WWOX: variants seen among roughly 807,000 people sequenced by gnomAD.
WWOX encodes WW domain-containing oxidoreductase.
WWOX carries 69 observed loss-of-function variants against 46.2 expected under a neutral mutation model. The observed-to-expected ratio is 1.49, with a 90% CI of 1.23 to 1.82. The LOEUF is 1.82. Among genes scored for constraint, WWOX ranks in the 40% most tolerant of loss-of-function variants. The pLI, the probability that WWOX is intolerant of heterozygous loss-of-function variation, is 0.00. For synonymous variants in WWOX, 359 were observed against 202.6 expected, an observed-to-expected ratio of 1.77 and a Z score of -6.56; for missense variants, 919 against 542.6, an observed-to-expected ratio of 1.69 and a Z score of -6.89.
chr16:79,048,042 T>C (rs1464038491), intron 8 of WWOX, among the ~76,000 whole-genome samples: 1 of 152,012 alleles, frequency 6.6e-6, no homozygotes, highest in Non-Finnish European at 1.5e-5. Flanking sequence ...ATCCCTCTGC[T>C]CCCTAAGATG....
intron 5 of WWOX, among the ~76,000 whole-genome samples, chr16:78,309,870 C>G (rs1434035944): frequency 3.3e-5 from 5 of 152,104 alleles, no homozygotes; most frequent in Non-Finnish European, 5.9e-5. Context: ...TTTAATTGTT[C>G]TAGTTAGAGT....
At chr16:78,100,960 A>G (rs925204622) in intron 1 of WWOX, among the ~76,000 whole-genome samples, 1 of 152,116 alleles carries the variant, frequency 6.6e-6, no homozygotes, top group Non-Finnish European at 1.5e-5. Context: ...CCTGGTTTTG[A>G]GAAACATGGA....
chr16:78,100,685 C>T (rs2031716642), intron 1 of WWOX, among the ~76,000 whole-genome samples: 1 of 152,216 alleles, frequency 6.6e-6, no homozygotes. Context: ...TTGGTTTTTT[C>T]ACCTGTAAAA....
intron 6 of WWOX, among the ~76,000 whole-genome samples, chr16:78,420,439 A>C (rs1184431784): frequency 2.0e-5 from 3 of 152,192 alleles, no homozygotes; most frequent in Non-Finnish European, 4.4e-5. Context: ...TGCCCATTAA[A>C]AAGAAATGGA....
chr16:78,406,312 ATATATATAT>A (rs2082536344), intron 6 of WWOX, among the ~76,000 whole-genome samples: 4 of 39,358 alleles, frequency 1.0e-4, no homozygotes, highest in Admixed American at 2.8e-4. Flanking sequence ...AAATATATAT[ATATATATAT>A]ATATATATAT....
chr16:78,934,508 C>CAAAAAAAAA (rs760272326), intron 8 of WWOX, among the ~76,000 whole-genome samples: 1 of 73,902 alleles, frequency 1.4e-5, no homozygotes, highest in African/African-American at 5.1e-5. Context: ...AACCCTGTAT[C>CAAAAAAAAA]AAAAAAAAAA....
At chr16:78,712,776 C>G (rs2048470780) in intron 8 of WWOX, among the ~76,000 whole-genome samples, 1 of 152,202 alleles carries the variant, frequency 6.6e-6, no homozygotes. Context: ...CTAAGACTTG[C>G]TTTAAAATAA....
chr16:78,564,781 A>G (rs986232826), intron 8 of WWOX, among the ~76,000 whole-genome samples: 2 of 152,192 alleles, frequency 1.3e-5, no homozygotes, highest in Non-Finnish European at 2.9e-5. Context: ...TTGTTTAAAA[A>G]TTTTAACTTA....
intron 5 of WWOX, among the ~76,000 whole-genome samples, chr16:78,199,599 G>T (rs190264852): frequency 5.8e-4 from 89 of 152,144 alleles, no homozygotes; most frequent in Admixed American, 9.8e-4. Context: ...CATGCCATTC[G>T]CTCACTAGCA....
At chr16:78,311,438 C>T (rs1597467008) in intron 5 of WWOX, among the ~76,000 whole-genome samples, 1 of 152,206 alleles carries the variant, frequency 6.6e-6, no homozygotes, top group Non-Finnish European at 1.5e-5. Context: ...CAAACTGTCA[C>T]TTCCTTCACC....
At chr16:79,123,644 C>A (rs983103213) in intron 8 of WWOX, among the ~76,000 whole-genome samples, 1 of 152,118 alleles carries the variant, frequency 6.6e-6, no homozygotes, top group Admixed American at 6.5e-5. Context: ...AGGCTCCAGG[C>A]TTTTTCCCTA....
At chr16:78,495,271 GC>G (rs2084887999) in intron 8 of WWOX, among the ~76,000 whole-genome samples, 1 of 150,724 alleles carries the variant, frequency 6.6e-6, no homozygotes, top group Non-Finnish European at 1.5e-5. Context: ...CTTCTGAGTA[GC>G]TGGGATTACA....
rs564344879 is a variant in WWOX, at chr16:78,533,881, G to C, written c.1056+101129G>C. Among the ~76,000 whole-genome samples, 15 of 152,212 alleles carry C rather than the reference G, an allele frequency of 9.9e-5. No homozygotes were observed. The East Asian group carries it at 2.9e-3, about 29-fold the overall frequency. On this transcript the variant is annotated intron_variant, in intron 8 of 8. Coordinates refer to ENST00000566780, the MANE Select transcript of WWOX (RefSeq NM_016373.4). ...TCTCTATCATCTCTGTGAGCCCTTTGAGGATGGATGTGTGTCCATCTTGTT... is the reference window on the plus strand; with the variant it reads ...TCTCTATCATCTCTGTGAGCCCTTTCAGGATGGATGTGTGTCCATCTTGTT...
intron 7 of WWOX, among the ~76,000 whole-genome samples, chr16:78,426,084 T>C (rs1247258066): frequency 2.6e-5 from 4 of 152,178 alleles, no homozygotes; most frequent in Non-Finnish European, 4.4e-5. Flanking sequence ...CATTTTAAAT[T>C]TATGATGGCT....
At chr16:79,201,959 A>G (rs1427667310) in intron 8 of WWOX, among the ~76,000 whole-genome samples, 3 of 152,232 alleles carry the variant, frequency 2.0e-5, no homozygotes, top group Non-Finnish European at 4.4e-5. Flanking sequence ...ACACAAGTTA[A>G]AAAGGGAAAT....
At chr16:79,026,822 G>A (rs1427169458) in intron 8 of WWOX, among the ~76,000 whole-genome samples, 1 of 149,074 alleles carries the variant, frequency 6.7e-6, no homozygotes, top group Non-Finnish European at 1.5e-5. Context: ...ATAGAGACGG[G>A]GTTTCACCAT....
chr16:78,969,671 TAAAG>T (rs2046432666), intron 8 of WWOX, among the ~76,000 whole-genome samples: 1 of 151,946 alleles, frequency 6.6e-6, no homozygotes, highest in Admixed American at 6.6e-5. Flanking sequence ...GCAGCTTTAA[TAAAG>T]AAGAGAAAAG....
At chr16:79,093,343 A>G (rs189244440) in intron 8 of WWOX, among the ~76,000 whole-genome samples, 4 of 152,200 alleles carry the variant, frequency 2.6e-5, no homozygotes, top group African/African-American at 9.6e-5. Flanking sequence ...AAATTTGTTT[A>G]TTTAAATTTT....
At chr16:78,516,696 A>G (rs917534538) in intron 8 of WWOX, among the ~76,000 whole-genome samples, 7 of 152,196 alleles carry the variant, frequency 4.6e-5, no homozygotes, top group African/African-American at 7.2e-5. Context: ...TGCACAGGCA[A>G]AAGTCCAGCT....
Sources: allele counts gnomAD v4.1 joint callset (sites outside exome capture counted in the v4.1 genomes callset), GRCh38; gene constraint gnomAD v4.1.1; transcripts MANE v1.5; gene names NCBI Gene and HGNC (gene_info 2026-07-23, HGNC 2026-07-21).